The following WDR7 variants were observed in gnomAD, a reference collection of about 807,000 sequenced individuals.
WDR7 encodes WD repeat domain 7.
WDR7 carries 46 observed loss-of-function variants against 169.4 expected under a neutral mutation model. The ratio of observed to expected loss-of-function variants is 0.27; its 90% CI spans 0.21 to 0.35. WDR7 has a LOEUF of 0.35. Ranked by LOEUF, WDR7 falls within the 10% of genes least tolerant of loss-of-function variation. The pLI is 1.00. For synonymous variants in WDR7, 612 were observed against 666.8 expected, an observed-to-expected ratio of 0.92 and a Z score of 1.27; for missense variants, 1,534 against 1,859.3, an observed-to-expected ratio of 0.83 and a Z score of 3.22.
At chr18:56,812,851 C>T (rs1048789202) in intron 19 of WDR7, among the ~76,000 whole-genome samples, 3 of 152,068 alleles carry the variant, frequency 2.0e-5, no homozygotes, top group African/African-American at 7.2e-5. Flanking sequence ...CCACTCAGTA[C>T]ACTGACTCAC....
chr18:56,694,873 CA>C, intron 10 of WDR7, 76 bp from the exon 11 acceptor site: 1 of 1,541,052 alleles, frequency 6.5e-7, no homozygotes, highest in Non-Finnish European at 8.7e-7. Context: ...CTGGATCAAT[CA>C]ACATTATTTT....
intron 5 of WDR7, among the ~76,000 whole-genome samples, chr18:56,684,878 A>G (rs1210236488): frequency 1.3e-5 from 2 of 152,218 alleles, no homozygotes; most frequent in African/African-American, 2.4e-5. Flanking sequence ...TAAGCATAAC[A>G]GTGAGAATGA....
At chr18:56,931,104 G>A (rs1275575320) in intron 22 of WDR7, among the ~76,000 whole-genome samples, 2 of 152,072 alleles carry the variant, frequency 1.3e-5, no homozygotes, top group Non-Finnish European at 2.9e-5. Context: ...GCTGAGTAAA[G>A]CAGAGAGTCT....
intron 26 of WDR7, among the ~76,000 whole-genome samples, chr18:56,997,144 TG>T (rs566717288): frequency 3.9e-4 from 59 of 152,276 alleles, no homozygotes; most frequent in South Asian, 2.5e-3. Context: ...AAAACAAACC[TG>T]GATAAACAAT....
chr18:56,821,769 A>G (rs532351521), intron 20 of WDR7, among the ~76,000 whole-genome samples: 1 of 151,014 alleles, frequency 6.6e-6, no homozygotes, highest in South Asian at 2.1e-4. Context: ...CTAAGGCAGG[A>G]GGATTGCTTG....
intron 13 of WDR7, among the ~76,000 whole-genome samples, chr18:56,725,669 T>G (rs2026432894): frequency 1.3e-5 from 2 of 152,230 alleles, no homozygotes; most frequent in South Asian, 4.1e-4. Flanking sequence ...TTAGATCGCA[T>G]TTGTCAATTT....
At chr18:56,855,891 G>T (rs2045713226) in intron 20 of WDR7, among the ~76,000 whole-genome samples, 3 of 152,102 alleles carry the variant, frequency 2.0e-5, no homozygotes, top group Non-Finnish European at 4.4e-5. Flanking sequence ...AAAACTCACT[G>T]CTCTCAGAGC....
intron 26 of WDR7, among the ~76,000 whole-genome samples, chr18:56,978,189 G>C (rs1007233473): frequency 1.3e-5 from 2 of 152,160 alleles, no homozygotes; most frequent in African/African-American, 4.8e-5. Flanking sequence ...CAACAAGAAT[G>C]CTAGCATCAA....
chr18:56,902,664 A>G (rs1254556582), intron 21 of WDR7, among the ~76,000 whole-genome samples: 2 of 152,182 alleles, frequency 1.3e-5, no homozygotes, highest in Non-Finnish European at 2.9e-5. Flanking sequence ...CACATGGCTC[A>G]TCCTAATAGT....
intron 16 of WDR7, among the ~76,000 whole-genome samples, chr18:56,769,151 T>C (rs1185295380): frequency 1.3e-5 from 2 of 152,144 alleles, no homozygotes; most frequent in East Asian, 3.8e-4. Flanking sequence ...ATTAGAGTTA[T>C]CAAATAACCA....
chr18:56,988,590 AGTGTGTGTGTGTGTGTGTGTGT>A (rs71171009), intron 26 of WDR7, among the ~76,000 whole-genome samples: 9 of 142,606 alleles, frequency 6.3e-5, no homozygotes, highest in Non-Finnish European at 9.1e-5. Context: ...ATGGAAGGCA[AGTGTGTGTGTGTGTGTGTGTGT>A]GTGTGTGTGT....
chr18:57,007,660 G>A (rs992224955), intron 26 of WDR7, among the ~76,000 whole-genome samples: 4 of 151,944 alleles, frequency 2.6e-5, no homozygotes, highest in African/African-American at 9.7e-5. Context: ...TCTTTTAAAG[G>A]TGATTTGTAC....
chr18:56,950,973 C>A (rs779145627), intron 25 of WDR7, among the ~76,000 whole-genome samples: 72 of 152,246 alleles, frequency 4.7e-4, no homozygotes, highest in Non-Finnish European at 7.8e-4. Context: ...AGGCTCAGGG[C>A]CCATTAGTCT....
chr18:56,677,067 GTACT>G (rs1451628442), intron 2 of WDR7, among the ~76,000 whole-genome samples: 5 of 152,068 alleles, frequency 3.3e-5, no homozygotes, highest in South Asian at 2.1e-4. Context: ...GTTTTTCTGT[GTACT>G]TACTATTACT....
downstream of WDR7, chr18:57,034,024 C>T (rs1482126719): frequency 6.6e-6 from 1 of 152,128 alleles, no homozygotes; most frequent in Non-Finnish European, 1.5e-5. Context: ...TGGTGGGCAT[C>T]TGTAATCCCA....
At chr18:56,878,264 A>G (rs2046054822) in intron 20 of WDR7, among the ~76,000 whole-genome samples, 1 of 151,770 alleles carries the variant, frequency 6.6e-6, no homozygotes, top group Non-Finnish European at 1.5e-5. Flanking sequence ...TGCTCCAGTA[A>G]CAAGTATTTC....
chr18:56,853,382 A>G (rs1281544071), intron 20 of WDR7, among the ~76,000 whole-genome samples: 1 of 152,196 alleles, frequency 6.6e-6, no homozygotes, highest in African/African-American at 2.4e-5. Flanking sequence ...GACTGTGTGC[A>G]GTATATACAA....
At chr18:56,854,988 G>T (rs1422310544) in intron 20 of WDR7, among the ~76,000 whole-genome samples, 1 of 152,108 alleles carries the variant, frequency 6.6e-6, no homozygotes, top group Admixed American at 6.5e-5. Context: ...ATATACTCAG[G>T]ACTGGAATTG....
At chr18:56,770,155 T>A (rs2044130944) in intron 16 of WDR7, among the ~76,000 whole-genome samples, 1 of 152,180 alleles carries the variant, frequency 6.6e-6, no homozygotes, top group Admixed American at 6.5e-5. Context: ...GGCTGACAAA[T>A]CTCTGCCCTC....
Sources: allele counts gnomAD v4.1 joint callset (sites outside exome capture counted in the v4.1 genomes callset), GRCh38; gene constraint gnomAD v4.1.1; transcripts MANE v1.5; gene names NCBI Gene and HGNC (gene_info 2026-07-23, HGNC 2026-07-21).